The following NKAIN3 variants were observed in gnomAD, a reference collection of about 807,000 sequenced individuals.
The protein encoded by NKAIN3 is sodium/potassium-transporting ATPase subunit beta-1-interacting protein 3.
NKAIN3 carries 25 observed loss-of-function variants against 30.2 expected under a neutral mutation model. The ratio of observed to expected loss-of-function variants is 0.83; its 90% CI spans 0.60 to 1.16. The LOEUF (loss-of-function observed/expected upper bound fraction) is 1.16. NKAIN3 is among the 50% of genes most tolerant of loss of function. The pLI is 0.00. For synonymous variants in NKAIN3, 91 were observed against 89.6 expected, an observed-to-expected ratio of 1.02 and a Z score of -0.09; for missense variants, 225 against 254.1, an observed-to-expected ratio of 0.89 and a Z score of 0.78.
At chr8:62,799,353 A>G (rs1435536382) in intron 4 of NKAIN3, among the ~76,000 whole-genome samples, 1 of 152,230 alleles carries the variant, frequency 6.6e-6, no homozygotes, top group Admixed American at 6.5e-5. Context: ...AGCAAGAAAA[A>G]AACAAACAAT....
chr8:62,505,520 G>A (rs533335070), intron 1 of NKAIN3, among the ~76,000 whole-genome samples: 1 of 152,208 alleles, frequency 6.6e-6, no homozygotes, highest in Non-Finnish European at 1.5e-5. Context: ...TAGAAGCATG[G>A]TTTTATATGA....
chr8:62,334,713 G>T (rs562237715), intron 1 of NKAIN3, among the ~76,000 whole-genome samples: 1 of 152,186 alleles, frequency 6.6e-6, no homozygotes, highest in Admixed American at 6.5e-5. Flanking sequence ...GGATTCTGTG[G>T]GTCAAAATTT....
At chr8:62,625,217 A>G (rs1333432118) in intron 3 of NKAIN3, among the ~76,000 whole-genome samples, 1 of 152,130 alleles carries the variant, frequency 6.6e-6, no homozygotes, top group Non-Finnish European at 1.5e-5. Flanking sequence ...TTAGTAATGT[A>G]GTGGTAAGGT....
At chr8:62,832,472 C>T (rs571688968) in intron 4 of NKAIN3, among the ~76,000 whole-genome samples, 4 of 151,920 alleles carry the variant, frequency 2.6e-5, no homozygotes, top group African/African-American at 4.8e-5. Context: ...GGATAAAAAG[C>T]GAAAACCCAT....
At chr8:62,320,394 T>C (rs892555751) in intron 1 of NKAIN3, among the ~76,000 whole-genome samples, 1 of 152,146 alleles carries the variant, frequency 6.6e-6, no homozygotes, top group East Asian at 1.9e-4. Context: ...GCTGGTTATT[T>C]TGCTCGTTAG....
chr8:62,856,069 T>A (rs1259208983), intron 4 of NKAIN3: 1 of 701,010 alleles, frequency 1.4e-6, no homozygotes, highest in East Asian at 2.5e-5. Context: ...TTACACCCCA[T>A]GAGCATCAAA....
intron 6 of NKAIN3, among the ~76,000 whole-genome samples, chr8:62,956,958 G>T (rs1823436065): frequency 6.6e-6 from 1 of 152,202 alleles, no homozygotes; most frequent in South Asian, 2.1e-4. Context: ...ACTTTGAAAA[G>T]ATGACACAAT....
At chr8:62,427,836 G>A (rs1224802378) in intron 1 of NKAIN3, among the ~76,000 whole-genome samples, 1 of 151,780 alleles carries the variant, frequency 6.6e-6, no homozygotes, top group South Asian at 2.1e-4. Flanking sequence ...TCATGTCTTT[G>A]TACTGGAAAC....
At chr8:62,386,927 GAGAGAGAGAGAGAGAA>G (rs1179403738) in intron 1 of NKAIN3, among the ~76,000 whole-genome samples, 2 of 151,928 alleles carry the variant, frequency 1.3e-5, no homozygotes, top group Non-Finnish European at 2.9e-5. Context: ...GAGAGAGAGA[GAGAGAGAGAGAGAGAA>G]AGAGAGAGAG....
At chr8:62,871,659 G>T (rs1820651278) in intron 4 of NKAIN3, among the ~76,000 whole-genome samples, 1 of 152,220 alleles carries the variant, frequency 6.6e-6, no homozygotes, top group South Asian at 2.1e-4. Context: ...GCCCAAGGAA[G>T]AATGTGGCAG....
At chr8:62,285,370 A>T (rs182039156) in intron 1 of NKAIN3, among the ~76,000 whole-genome samples, 11 of 152,284 alleles carry the variant, frequency 7.2e-5, no homozygotes, top group Admixed American at 1.3e-4. Context: ...TATGGGGGGA[A>T]ATTCTAGCTT....
At chr8:62,489,677 T>C (rs1807010289) in intron 1 of NKAIN3, among the ~76,000 whole-genome samples, 1 of 152,254 alleles carries the variant, frequency 6.6e-6, no homozygotes, top group Admixed American at 6.5e-5. Flanking sequence ...TCCTAACAAG[T>C]ATCAATGAGG....
intron 1 of NKAIN3, among the ~76,000 whole-genome samples, chr8:62,303,360 C>T (rs1447038406): frequency 1.3e-5 from 2 of 150,422 alleles, no homozygotes; most frequent in Admixed American, 1.3e-4. Context: ...CCACTCATTT[C>T]CTATCTCATG....
chr8:62,254,403 T>G (rs1160274749), intron 1 of NKAIN3, among the ~76,000 whole-genome samples: 2 of 152,060 alleles, frequency 1.3e-5, no homozygotes, highest in Admixed American at 1.3e-4. Context: ...AGAGAGTACA[T>G]AGTTGAGACT....
At chr8:62,832,608 A>G (rs1172262271) in intron 4 of NKAIN3, among the ~76,000 whole-genome samples, 1 of 152,142 alleles carries the variant, frequency 6.6e-6, no homozygotes, top group Non-Finnish European at 1.5e-5. Context: ...ATTATTACAT[A>G]ATGATAAAGA....
chr8:62,355,578 A>T (rs945299841), intron 1 of NKAIN3, among the ~76,000 whole-genome samples: 2 of 152,208 alleles, frequency 1.3e-5, no homozygotes, highest in Non-Finnish European at 2.9e-5. Flanking sequence ...ATTTGTCACC[A>T]GTCTAAATGT....
chr8:62,768,587 G>A (rs1487763734), intron 4 of NKAIN3, among the ~76,000 whole-genome samples: 1 of 152,130 alleles, frequency 6.6e-6, no homozygotes, highest in Non-Finnish European at 1.5e-5. Context: ...GGAAATGAAT[G>A]TGGACTTTGG....
chr8:62,502,953 C>G (rs1018907411), intron 1 of NKAIN3, among the ~76,000 whole-genome samples: 19 of 152,156 alleles, frequency 1.2e-4, no homozygotes, highest in African/African-American at 4.6e-4. Flanking sequence ...AACTGCAAAA[C>G]AGGTCCCCAA....
intron 4 of NKAIN3, among the ~76,000 whole-genome samples, chr8:62,801,209 C>A: frequency 6.6e-6 from 1 of 152,232 alleles, no homozygotes; most frequent in Admixed American, 6.5e-5. Context: ...AACAAAAAGA[C>A]AGCAGTAACC....
Sources: gnomAD v4.1 joint callset for allele counts (sites outside exome capture counted in the v4.1 genomes callset) on GRCh38, gnomAD v4.1.1 for gene constraint, MANE v1.5 for transcripts, NCBI Gene and HGNC (gene_info 2026-07-23, HGNC 2026-07-21) for gene names.